The following LSM11 variants were observed in gnomAD, a reference collection of about 807,000 sequenced individuals.
LSM11 encodes the protein U7 snRNA-associated Sm-like protein LSm11.
A neutral mutation model predicts 28.1 loss-of-function variants in LSM11; 14 were observed. The ratio of observed to expected loss-of-function variants is 0.50; its 90% CI spans 0.33 to 0.78. The LOEUF is 0.78. Ranked by LOEUF, LSM11 falls within the 30% of genes least tolerant of loss-of-function variation. The probability of loss-of-function intolerance (pLI) is 0.02; values close to 1 mark genes in which losing one functional copy is unlikely to be tolerated. For missense variants in LSM11, 495 were observed against 510.6 expected (o/e 0.97, Z 0.30); for synonymous variants, 207 against 214.2 (o/e 0.97, Z 0.30).
chr5:157,753,725 A>G (rs967281432), intron 2 of LSM11, among the ~76,000 whole-genome samples: 7 of 152,142 alleles, frequency 4.6e-5, no homozygotes, highest in Admixed American at 6.5e-5. Flanking sequence ...CCTCCTAGAT[A>G]TTCTTGCACA....
In LSM11 at chr5:157,758,035, T is replaced by C. The variant is rs1761356985; in HGVS notation, c.*2771T>C. On this transcript the variant is annotated 3_prime_UTR_variant, in exon 4 of 4. Transcript: ENST00000286307. ...CAGTGGTTCTGGAATGAATTCTATC[T>C]AGTAAATTAGTAAATGTGCTGTTTT... 6.6e-6 allele frequency: 1 copy of C among 152,244 alleles called. No homozygotes were observed. Among genetic ancestry groups the C allele is most frequent in the Non-Finnish European group, 1.5e-5 (1 of 68,036 alleles). 9.4% of individuals were successfully genotyped at this position (152,244 alleles called of 1,614,324 possible). A position where few individuals can be genotyped will look rare whatever the true frequency, so the allele number is the denominator to read the frequency against.
intron 1 of LSM11, among the ~76,000 whole-genome samples, chr5:157,748,787 G>A (rs193125706): frequency 5.3e-4 from 80 of 152,348 alleles, no homozygotes; most frequent in East Asian, 3.9e-4. Context: ...TAATTTACAT[G>A]TAGCAGGAGA....
intron 1 of LSM11, among the ~76,000 whole-genome samples, chr5:157,748,265 C>T (rs948680062): frequency 6.6e-6 from 1 of 152,146 alleles, no homozygotes; most frequent in Non-Finnish European, 1.5e-5. Context: ...GGGGAGCTGC[C>T]TTTGCCCTAA....
At position 157,755,364 on chromosome 5, in the gene LSM11, C is replaced by T; in HGVS notation, c.*100C>T. 7.6e-7 allele frequency: 1 copy of T among 1,311,654 alleles called. No homozygotes were observed. The highest frequency in any genetic ancestry group is 1.4e-5 in the South Asian group (1 of 71,674). 81.3% of individuals were successfully genotyped at this position (1,311,654 alleles called of 1,614,324 possible). On this transcript the variant is annotated 3_prime_UTR_variant, in exon 4 of 4. Coordinates refer to ENST00000286307, the MANE Select transcript of LSM11 (RefSeq NM_173491.4). Reference sequence around the variant, plus strand: ...TGAAACTCTGAGTTGGAATGATTCCCTCTGGTCCTGCATATGCAGAGGACG... The same window carrying T: ...TGAAACTCTGAGTTGGAATGATTCCTTCTGGTCCTGCATATGCAGAGGACG...
At position 157,758,859 on chromosome 5, in the gene LSM11, A is replaced by G. The variant is rs1761370727; in HGVS notation, c.*3595A>G. On this transcript the variant is annotated 3_prime_UTR_variant, in exon 4 of 4. Transcript: ENST00000286307. The stretch of plus-strand genomic sequence containing the variant: ...CTTTGTTAGATAATAACAAGTGATT[A>G]AGAAAGGGGAGATATGGTTTTATAC... The G allele has an allele frequency of 1.3e-5, 2 of 152,246 alleles. No homozygotes were observed. Among genetic ancestry groups the G allele is most frequent in the Admixed American group, 1.3e-4 (2 of 15,286 alleles). 9.4% of individuals were successfully genotyped at this position (152,246 alleles called of 1,614,324 possible).
intron 2 of LSM11, 52 bp downstream of exon 2, chr5:157,751,581 C>A: frequency 7.0e-7 from 1 of 1,423,586 alleles, no homozygotes; most frequent in Non-Finnish European, 9.1e-7. Flanking sequence ...ATTATATCTT[C>A]TATAATATTT....
chr5:157,744,150 C>A lies in LSM11; in HGVS notation c.400C>A (p.Pro134Thr), dbSNP rs1488796176. Reference protein sequence around the residue: ...DGAAGAGRRGPGRSRKAPRNV... With the variant: ...DGAAGAGRRGTGRSRKAPRNV... ...GGCCGCAGGAGCGGGCCGGAGGGGT[C>A]CGGGTCGGAGCAGGAAGGCGCCACG... is the stretch of plus-strand genomic sequence containing the variant. The change falls in exon 1 of 4, where the codon CCG becomes ACG. Residue 134 changes from proline to threonine, a missense_variant. Coordinates refer to ENST00000286307, the MANE Select transcript of LSM11 (RefSeq NM_173491.4). The A allele has an allele frequency of 6.9e-7, 1 of 1,440,820 alleles. No individual in the cohort carries two copies. Among genetic ancestry groups the A allele is most frequent in the Non-Finnish European group, 9.1e-7 (1 of 1,098,072 alleles). 89.3% of individuals were successfully genotyped at this position (1,440,820 alleles called of 1,614,324 possible).
Position 157,757,351 on chromosome 5 carries a change from C to T in LSM11, c.*2087C>T, listed in dbSNP as rs1433401099. ...AGTAACTTTTTTTTTGCTGCTCCCG[C>T]TATATCCCAGGCCTCACCCTTTTCT... On this transcript the variant is annotated 3_prime_UTR_variant, in exon 4 of 4. Transcript: ENST00000286307. 6.6e-6 allele frequency: 1 copy of T among 152,008 alleles called. No homozygotes were observed. The highest frequency in any genetic ancestry group is 2.4e-5 in the African/African-American group (1 of 41,384). 9.4% of individuals were successfully genotyped at this position (152,008 alleles called of 1,614,324 possible).
intron 1 of LSM11, chr5:157,747,456 C>T: frequency 4.6e-6 from 1 of 216,136 alleles, no homozygotes. Flanking sequence ...AGGTGAATGG[C>T]TTGTCTCCAG....
chr5:157,746,223 G>A (rs1217411095), intron 1 of LSM11, among the ~76,000 whole-genome samples: 4 of 152,212 alleles, frequency 2.6e-5, no homozygotes, highest in Non-Finnish European at 4.4e-5. Flanking sequence ...AATACTATTT[G>A]TGGACATATA....
At position 157,755,571 on chromosome 5, in the gene LSM11, A is replaced by T; in HGVS notation, c.*307A>T. The T allele has an allele frequency of 2.0e-6, 1 of 488,790 alleles. No individual in the cohort carries two copies. Among genetic ancestry groups the T allele is most frequent in the East Asian group, 3.1e-5 (1 of 31,970 alleles). The allele number at this position is 488,790 out of a possible 1,614,324, so 30.3% of individuals were successfully genotyped here. On this transcript the variant is annotated 3_prime_UTR_variant, in exon 4 of 4. Transcript: ENST00000286307. ...TTCCATTAGACTTAGGGGTCATGAT[A>T]TGAGTGGAATTTACATTTTAGATAC...
In LSM11 at chr5:157,743,946, G is replaced by A; in HGVS notation, c.196G>A (p.Gly66Arg). ...GGAGTACGAGAGCTTCCTCAGGACC[G>A]GAGTCCGGGGCGGCGGGCGCGGGCG... is the stretch of plus-strand genomic sequence containing the variant. ...VAEYESFLRT[G>R]VRGGGRGRGR... is the part of the protein sequence containing the mutation. Residue 66 changes from glycine (G) to arginine (R), a missense_variant, in exon 1 of 4, where the codon GGA becomes AGA. Gly to Arg is a moderately radical substitution (Grantham distance 125). Coordinates refer to ENST00000286307, the MANE Select transcript of LSM11 (RefSeq NM_173491.4). The A allele has an allele frequency of 1.4e-6, 2 of 1,392,410 alleles. No individual in the cohort carries two copies. 86.3% of individuals were successfully genotyped at this position (1,392,410 alleles called of 1,614,324 possible). A position where few individuals can be genotyped will look rare whatever the true frequency, so the allele number is the denominator to read the frequency against.
chr5:157,748,842 C>A (rs1161268145), intron 1 of LSM11, among the ~76,000 whole-genome samples: 1 of 152,050 alleles, frequency 6.6e-6, no homozygotes, highest in East Asian at 1.9e-4. Flanking sequence ...AAGGATGTGG[C>A]AATAGAGAAG....
intron 2 of LSM11, 132 bp from the exon 3 acceptor site, chr5:157,753,872 G>A: frequency 2.1e-6 from 1 of 484,514 alleles, no homozygotes; most frequent in Non-Finnish European, 3.5e-6. Flanking sequence ...CTGCCTAGGA[G>A]CTGAGTCATC....
chr5:157,753,970 G>T (rs906715470), intron 2 of LSM11, 34 bp from the exon 3 acceptor site: 15 of 1,361,404 alleles, frequency 1.1e-5, no homozygotes, highest in South Asian at 3.1e-5. Context: ...TTTTAATTCT[G>T]TCTAATGTTT....
rs533621966 is a variant in LSM11, at chr5:157,759,722, C to T, written c.*4458C>T. The T allele has an allele frequency of 3.9e-5, 6 of 152,166 alleles. No homozygotes were observed. Among genetic ancestry groups the T allele is most frequent in the Non-Finnish European group, 8.8e-5 (6 of 68,044 alleles). The allele number at this position is 152,166 out of a possible 1,614,324, so 9.4% of individuals were successfully genotyped here. Reference sequence around the variant, plus strand: ...GTTCACCAGTCTGTGCTTTTCTTCTCCCAGAAGGCTTTTCTTAGTGGTTGT... The same window carrying T: ...GTTCACCAGTCTGTGCTTTTCTTCTTCCAGAAGGCTTTTCTTAGTGGTTGT... On this transcript the variant is annotated 3_prime_UTR_variant, in exon 4 of 4. Transcript: ENST00000286307.
intron 3 of LSM11, 61 bp from the exon 4 acceptor site, chr5:157,754,793 G>A (rs1581453069): frequency 6.8e-7 from 1 of 1,463,198 alleles, no homozygotes; most frequent in Non-Finnish European, 9.2e-7. Context: ...TTTTCTGTAT[G>A]TTGAAAGAGG....
Position 157,754,029 on chromosome 5 carries a change from ACC to A in LSM11, c.615_616del (p.Tyr205Ter). 1 of 1,580,264 alleles carries A rather than the reference ACC, an allele frequency of 6.3e-7. No homozygotes were observed. Among genetic ancestry groups the A allele is most frequent in the Non-Finnish European group, 8.6e-7 (1 of 1,164,180 alleles). ...GCACTTACTGATGTGGATGAGACCT[ACC>A]GAAAACCTGTCCTAGGCAAAGCATA... On this transcript the variant is annotated stop_gained and frameshift_variant, in exon 3 of 4. Coordinates refer to ENST00000286307, the MANE Select transcript of LSM11 (RefSeq NM_173491.4). LOFTEE classifies it high-confidence loss of function.
rs905871431 is a variant in LSM11 at position 157,758,581 on chromosome 5, G to A, written c.*3317G>A. 6.6e-6 allele frequency: 1 copy of A among 152,120 alleles called. No individual in the cohort carries two copies. The highest frequency in any genetic ancestry group is 1.5e-5 in the Non-Finnish European group (1 of 68,022). 9.4% of individuals were successfully genotyped at this position (152,120 alleles called of 1,614,324 possible). A position where few individuals can be genotyped will look rare whatever the true frequency, so the allele number is the denominator to read the frequency against. ...ATGAGGAACATAATGATAGAGTCGG[G>A]GAACTCCCACTAGCTCACCTGAGGG... On this transcript the variant is annotated 3_prime_UTR_variant, in exon 4 of 4. Transcript: ENST00000286307.
Sources: allele counts gnomAD v4.1 joint callset (sites outside exome capture counted in the v4.1 genomes callset), GRCh38; gene constraint gnomAD v4.1.1; transcripts MANE v1.5; gene names NCBI Gene and HGNC (gene_info 2026-07-23, HGNC 2026-07-21).